The following KANSL1L variants were observed in gnomAD, a reference collection of about 807,000 sequenced individuals.
KANSL1L encodes KAT8 regulatory NSL complex subunit 1-like protein.
Under a neutral mutation model 108.6 loss-of-function variants are expected in KANSL1L, and 25 were observed. The observed-to-expected ratio is 0.23, with a 90% CI of 0.17 to 0.32. KANSL1L has a LOEUF of 0.32. Ranked by LOEUF, KANSL1L falls within the 10% of genes least tolerant of loss-of-function variation. KANSL1L has a pLI of 1.00. For synonymous variants in KANSL1L, 405 were observed against 395.1 expected (o/e 1.03, Z -0.30); for missense variants, 1,137 against 1,125.7 (o/e 1.01, Z -0.14).
Position 210,023,071 on chromosome 2 carries a change from G to C in KANSL1L, c.2842C>G (p.His948Asp). The C allele has an allele frequency of 1.2e-6, 2 of 1,613,832 alleles. No homozygotes were observed. Among genetic ancestry groups the C allele is most frequent in the Non-Finnish European group, 1.7e-6 (2 of 1,179,862 alleles). Residue 948 changes from histidine (H) to aspartate (D), a missense_variant, in exon 15 of 15, where the codon CAT becomes GAT. Physicochemically the swap from His to Asp is moderately conservative, Grantham distance 81. Coordinates refer to ENST00000281772, the MANE Select transcript of KANSL1L (RefSeq NM_152519.4). ...DQVERSSTAF[H>D]GEIFGTSVPE... ...ACACTGGTACCGAAGATTTCACCAT[G>C]GAAAGCTGTGCTTGACCTTTCAACC...
intron 1 of KANSL1L, among the ~76,000 whole-genome samples, chr2:210,160,940 T>C (rs890112972): frequency 2.0e-5 from 3 of 150,346 alleles, no homozygotes; most frequent in Non-Finnish European, 4.4e-5. Context: ...AACACATATA[T>C]GGAAAAAAAC....
chr2:210,059,264 G>A (rs1319348102), intron 6 of KANSL1L, among the ~76,000 whole-genome samples: 2 of 152,224 alleles, frequency 1.3e-5, no homozygotes, highest in Non-Finnish European at 2.9e-5. Context: ...CAGCATGAGA[G>A]GCCACAATGA....
At chr2:210,040,563 CCACT>C in intron 7 of KANSL1L, 36 bp from the exon 8 acceptor site, 3 of 957,550 alleles carry the variant, frequency 3.1e-6, no homozygotes, top group Non-Finnish European at 4.7e-6. Flanking sequence ...TTTTCAAATA[CCACT>C]CTTTGTAATA....
intron 2 of KANSL1L, chr2:210,153,228 C>T (rs1253978118): frequency 1.3e-5 from 4 of 297,294 alleles, no homozygotes; most frequent in Non-Finnish European, 2.5e-5. Flanking sequence ...GTGGCACACA[C>T]CTGTAATCCC....
intron 4 of KANSL1L, 71 bp from the exon 5 acceptor site, chr2:210,098,278 C>T: frequency 7.2e-7 from 1 of 1,398,218 alleles, no homozygotes; most frequent in Non-Finnish European, 9.8e-7. Flanking sequence ...ATGCATAGTG[C>T]CAATTAATCC....
intron 1 of KANSL1L, chr2:210,170,092 A>G (rs1688244240): frequency 6.6e-6 from 1 of 152,232 alleles, no homozygotes; most frequent in African/African-American, 2.4e-5. Context: ...CTCTTTCTCA[A>G]TACTGAATTA....
At chr2:210,148,296 C>T (rs1342823136) in intron 2 of KANSL1L, among the ~76,000 whole-genome samples, 2 of 152,088 alleles carry the variant, frequency 1.3e-5, no homozygotes, top group Non-Finnish European at 2.9e-5. Context: ...AAAATGCAGC[C>T]TGGAAAAATG....
intron 2 of KANSL1L, among the ~76,000 whole-genome samples, chr2:210,146,723 C>T (rs2125614055): frequency 6.6e-6 from 1 of 152,280 alleles, no homozygotes; most frequent in East Asian, 1.9e-4. Context: ...TTTACTTGAT[C>T]ATCCTCAGAT....
intron 6 of KANSL1L, chr2:210,064,108 C>T (rs1161960184): frequency 6.6e-6 from 1 of 152,174 alleles, no homozygotes; most frequent in African/African-American, 2.4e-5. Context: ...AGTTCCCCTG[C>T]ACAAGTTCTC....
At chr2:210,035,649 T>C (rs750829722) in intron 8 of KANSL1L, among the ~76,000 whole-genome samples, 8 of 152,124 alleles carry the variant, frequency 5.3e-5, no homozygotes, top group Non-Finnish European at 1.2e-4. Context: ...CAGCTAGCCT[T>C]TGTATTTTTA....
intron 8 of KANSL1L, among the ~76,000 whole-genome samples, chr2:210,036,028 C>T (rs1010959821): frequency 6.6e-6 from 1 of 152,264 alleles, no homozygotes; most frequent in Admixed American, 6.5e-5. Flanking sequence ...TGGAACGCTC[C>T]ACCCTTCTTT....
chr2:210,164,394 A>C (rs1394927645), intron 1 of KANSL1L, among the ~76,000 whole-genome samples: 1 of 152,180 alleles, frequency 6.6e-6, no homozygotes, highest in Non-Finnish European at 1.5e-5. Flanking sequence ...ATAAATACTC[A>C]GTTTCTAATT....
chr2:210,081,309 A>G (rs1410958866), intron 5 of KANSL1L, among the ~76,000 whole-genome samples: 2 of 152,036 alleles, frequency 1.3e-5, no homozygotes, highest in African/African-American at 2.4e-5. Context: ...TTCATACTGT[A>G]TAAGATCTAC....
At chr2:210,093,397 C>T (rs986223053) in intron 5 of KANSL1L, among the ~76,000 whole-genome samples, 20 of 152,260 alleles carry the variant, frequency 1.3e-4, no homozygotes, top group Admixed American at 1.1e-3. Context: ...TTGCCCATCT[C>T]GGCCTCCCAA....
chr2:210,167,059 A>T (rs1390177783), intron 1 of KANSL1L, among the ~76,000 whole-genome samples: 1 of 151,960 alleles, frequency 6.6e-6, no homozygotes, highest in Non-Finnish European at 1.5e-5. Context: ...ATATATGAGG[A>T]TTCAAAGTTA....
intron 2 of KANSL1L, among the ~76,000 whole-genome samples, chr2:210,144,478 C>G (rs1473530587): frequency 1.3e-5 from 2 of 152,186 alleles, no homozygotes; most frequent in Non-Finnish European, 2.9e-5. Context: ...CCATAAATCA[C>G]ACAGGCTTTC....
At chr2:210,123,650 A>C (rs554256360) in intron 3 of KANSL1L, among the ~76,000 whole-genome samples, 204 of 152,230 alleles carry the variant, frequency 1.3e-3, no homozygotes, top group African/African-American at 4.4e-3. Context: ...CTTATTGTAC[A>C]TTTAAAAATA....
intron 6 of KANSL1L, among the ~76,000 whole-genome samples, chr2:210,072,014 C>A (rs1463597076): frequency 6.6e-6 from 1 of 152,134 alleles, no homozygotes; most frequent in Non-Finnish European, 1.5e-5. Flanking sequence ...ACTGCAAAAA[C>A]AATAATATTC....
At chr2:210,162,465 T>G (rs569175600) in intron 1 of KANSL1L, among the ~76,000 whole-genome samples, 7 of 152,078 alleles carry the variant, frequency 4.6e-5, no homozygotes, top group African/African-American at 1.7e-4. Flanking sequence ...ATTTCTGTTT[T>G]GGATATGTTA....
Sources: gnomAD v4.1 joint callset for allele counts (sites outside exome capture counted in the v4.1 genomes callset) on GRCh38, gnomAD v4.1.1 for gene constraint, MANE v1.5 for transcripts, NCBI Gene and HGNC (gene_info 2026-07-23, HGNC 2026-07-21) for gene names.